The following STXBP5L variants were observed in gnomAD, a reference collection of about 807,000 sequenced individuals.
STXBP5L encodes syntaxin-binding protein 5-like.
Under a neutral mutation model 144.5 loss-of-function variants are expected in STXBP5L, and 65 were observed. That is an observed-to-expected ratio of 0.45 (90% CI 0.37 to 0.55). STXBP5L has a LOEUF of 0.55. Among genes scored for constraint, STXBP5L ranks in the 20% least tolerant of loss-of-function variants. STXBP5L has a pLI of 0.00. For missense variants in STXBP5L, 1,298 were observed against 1,405.5 expected (o/e 0.92, Z 1.22); for synonymous variants, 505 against 469.6 (o/e 1.08, Z -0.97).
At chr3:120,981,551 T>G (rs1941776807) in intron 3 of STXBP5L, among the ~76,000 whole-genome samples, 1 of 152,288 alleles carries the variant, frequency 6.6e-6, no homozygotes, top group South Asian at 2.1e-4. Context: ...AAAAAATAAT[T>G]ATCCTTAGTA....
intron 2 of STXBP5L, among the ~76,000 whole-genome samples, chr3:120,953,245 T>C (rs1371693408): frequency 1.3e-5 from 2 of 151,934 alleles, no homozygotes; most frequent in Admixed American, 1.3e-4. Flanking sequence ...AAACTACTCA[T>C]TATAAATAAG....
intron 5 of STXBP5L, among the ~76,000 whole-genome samples, chr3:121,104,936 G>A (rs953659443): frequency 2.2e-4 from 33 of 152,144 alleles, no homozygotes; most frequent in African/African-American, 8.0e-4. Context: ...AATCAGCAGA[G>A]TAAACAGGCA....
chr3:121,090,889 T>G (rs1371667883), intron 5 of STXBP5L, among the ~76,000 whole-genome samples: 1 of 151,542 alleles, frequency 6.6e-6, no homozygotes, highest in African/African-American at 2.4e-5. Flanking sequence ...TAACGTGTCA[T>G]CTAGCATTAG....
chr3:120,950,619 T>C (rs1313981587), intron 2 of STXBP5L, among the ~76,000 whole-genome samples: 1 of 152,144 alleles, frequency 6.6e-6, no homozygotes, highest in East Asian at 1.9e-4. Flanking sequence ...TGAGACATGC[T>C]GGTGCGCTGC....
intron 3 of STXBP5L, among the ~76,000 whole-genome samples, chr3:120,994,558 G>A (rs961193261): frequency 1.3e-5 from 2 of 151,954 alleles, no homozygotes; most frequent in Non-Finnish European, 2.9e-5. Context: ...TATGATTTGT[G>A]TCCTTATTTT....
At chr3:121,048,687 T>C (rs1436385486) in intron 5 of STXBP5L, among the ~76,000 whole-genome samples, 2 of 133,938 alleles carry the variant, frequency 1.5e-5, no homozygotes, top group Non-Finnish European at 1.6e-5. Flanking sequence ...TCAGTTAGAG[T>C]CTTTTTTTTT....
At chr3:121,259,696 T>C (rs1012745884) in intron 18 of STXBP5L, among the ~76,000 whole-genome samples, 5 of 152,122 alleles carry the variant, frequency 3.3e-5, no homozygotes, top group African/African-American at 1.2e-4. Context: ...ACTTTAAATA[T>C]GTGTTTGATA....
At chr3:121,068,622 C>T (rs2041661178) in intron 5 of STXBP5L, among the ~76,000 whole-genome samples, 1 of 152,102 alleles carries the variant, frequency 6.6e-6, no homozygotes. Flanking sequence ...CCTCTATTTA[C>T]CATCCCTGTT....
At chr3:120,996,011 TA>T (rs1251336227) in intron 3 of STXBP5L, among the ~76,000 whole-genome samples, 5 of 152,120 alleles carry the variant, frequency 3.3e-5, no homozygotes, top group African/African-American at 7.2e-5. Context: ...TCCTGAAGGA[TA>T]TTTTTTTCTG....
intron 7 of STXBP5L, among the ~76,000 whole-genome samples, chr3:121,142,909 T>TA (rs528477255): frequency 2.2e-4 from 33 of 151,266 alleles, no homozygotes; most frequent in South Asian, 2.1e-4. Context: ...ATGAAATGGA[T>TA]AAAAAAATCA....
rs556051558 is a variant in STXBP5L at position 121,279,865 on chromosome 3, G to C, written c.2019G>C (p.Leu673=). ...AVVDFIQKTV[L]LSMGTIDLYR... Reference sequence around the variant, plus strand: ...TGGATTTTATACAGAAGACAGTACTGTTAAGCATGGGGACCATTGACCTAT... The same window carrying C: ...TGGATTTTATACAGAAGACAGTACTCTTAAGCATGGGGACCATTGACCTAT... The change falls in exon 19 of 27, where the codon CTG becomes CTC. Residue 673 remains leucine, a synonymous_variant. Coordinates refer to ENST00000471454, the MANE Select transcript of STXBP5L (RefSeq NM_001308330.2). 3.7e-6 allele frequency: 6 copies of C among 1,612,670 alleles called. No individual in the cohort carries two copies. In the South Asian group the frequency reaches 6.6e-5, roughly 18 times the overall value.
At position 121,185,598 on chromosome 3, in the gene STXBP5L, G is replaced by A. The variant is rs148198496; in HGVS notation, c.878-20325G>A. 4.3e-4 allele frequency among the ~76,000 whole-genome samples: 66 copies of A among 152,162 alleles called. No homozygotes were observed. In the East Asian group the frequency reaches 7.2e-3, roughly 16 times the overall value. On this transcript the variant is annotated intron_variant, in intron 9 of 26. Transcript: ENST00000471454. ...GTTTTTGTCAGGTTTGTCAAAGATC[G>A]GATGGTTGTAGATATGTGGTATTAT...
At chr3:121,187,128 G>T (rs1369231123) in intron 9 of STXBP5L, among the ~76,000 whole-genome samples, 2 of 152,054 alleles carry the variant, frequency 1.3e-5, no homozygotes, top group African/African-American at 4.8e-5. Flanking sequence ...TGTTTATGGT[G>T]GCACTATTCA....
chr3:121,296,453 A>G (rs1362496986), intron 19 of STXBP5L, among the ~76,000 whole-genome samples: 1 of 152,246 alleles, frequency 6.6e-6, no homozygotes. Flanking sequence ...TAAAAGATGT[A>G]AAAGACCTTA....
At chr3:120,952,542 A>T (rs1159155741) in intron 2 of STXBP5L, among the ~76,000 whole-genome samples, 1 of 152,038 alleles carries the variant, frequency 6.6e-6, no homozygotes, top group Non-Finnish European at 1.5e-5. Flanking sequence ...GTCCTCATAA[A>T]AGCCTTTATT....
chr3:121,013,379 T>G (rs947237050), intron 3 of STXBP5L, among the ~76,000 whole-genome samples: 1 of 152,122 alleles, frequency 6.6e-6, no homozygotes, highest in Non-Finnish European at 1.5e-5. Flanking sequence ...TTTTTAATAA[T>G]AGTCATTCTG....
At chr3:120,920,081 A>G (rs759536701) in intron 2 of STXBP5L, among the ~76,000 whole-genome samples, 2 of 151,828 alleles carry the variant, frequency 1.3e-5, no homozygotes, top group African/African-American at 4.8e-5. Context: ...TGTCTGAAAT[A>G]TATTTCTTTT....
At chr3:121,057,618 A>G (rs573629959) in intron 5 of STXBP5L, among the ~76,000 whole-genome samples, 1 of 152,150 alleles carries the variant, frequency 6.6e-6, no homozygotes, top group East Asian at 1.9e-4. Context: ...TCAGCACTGT[A>G]TTTATGAGTT....
intron 20 of STXBP5L, among the ~76,000 whole-genome samples, chr3:121,333,571 C>T (rs533390289): frequency 4.0e-5 from 6 of 148,280 alleles, no homozygotes; most frequent in African/African-American, 1.5e-4. Flanking sequence ...AAAAAACATT[C>T]AAAAGATCAA....
Sources: allele counts gnomAD v4.1 joint callset (sites outside exome capture counted in the v4.1 genomes callset), GRCh38; gene constraint gnomAD v4.1.1; transcripts MANE v1.5; gene names NCBI Gene and HGNC (gene_info 2026-07-23, HGNC 2026-07-21).